MRPL32: variants seen among roughly 807,000 people sequenced by gnomAD.
MRPL32 encodes mitochondrial ribosomal protein L32, also known as large ribosomal subunit protein bL32m.
A neutral mutation model predicts 21.7 loss-of-function variants in MRPL32; 14 were observed. The ratio of observed to expected loss-of-function variants is 0.64; its 90% CI spans 0.43 to 1.01. The LOEUF is 1.01. MRPL32 is among the 50% of genes least tolerant of loss of function. The probability of loss-of-function intolerance (pLI) is 0.00; values close to 1 mark genes in which losing one functional copy is unlikely to be tolerated. For missense variants in MRPL32, 211 were observed against 235.9 expected (o/e 0.89, Z 0.69); for synonymous variants, 83 against 87.7 (o/e 0.95, Z 0.30).
intron 1 of MRPL32, among the ~76,000 whole-genome samples, chr7:42,934,531 A>G (rs1052321342): frequency 6.6e-6 from 1 of 152,222 alleles, no homozygotes; most frequent in African/African-American, 2.4e-5. Flanking sequence ...TGGCAGTTAC[A>G]TCAGTGCCGG....
Position 42,937,303 on chromosome 7 carries a change from T to C in MRPL32, c.313-19T>C, listed in dbSNP as rs1277882013. 9.9e-6 allele frequency: 16 copies of C among 1,612,790 alleles called. No individual in the cohort carries two copies. Among genetic ancestry groups the C allele is most frequent in the Non-Finnish European group, 1.3e-5 (15 of 1,178,974 alleles). The stretch of plus-strand genomic sequence containing the variant: ...ATATTGCCTCATGTTAAAATACGTT[T>C]TTGTTTATTGTTTTAAAGAACAACA... On this transcript the variant is annotated intron_variant, in intron 2 of 2. Transcript: ENST00000223324.
chr7:42,933,800 T>C lies in MRPL32; in HGVS notation c.131-1155T>C, dbSNP rs532241152. Among the ~76,000 whole-genome samples the C allele has an allele frequency of 4.6e-5, 7 of 152,322 alleles. No individual in the cohort carries two copies. In the South Asian group the frequency reaches 1.2e-3, roughly 27 times the overall value. On this transcript the variant is annotated intron_variant, in intron 1 of 2. Coordinates refer to ENST00000223324, the MANE Select transcript of MRPL32 (RefSeq NM_031903.3). ...CTTGACAACAGTCCCATTAGGTGTATACACTTTCCAACTGAAACAGTAGGC... is the reference window on the plus strand; with the variant it reads ...CTTGACAACAGTCCCATTAGGTGTACACACTTTCCAACTGAAACAGTAGGC...
At chr7:42,935,828 G>A (rs1786414020) in intron 2 of MRPL32, 1 of 152,122 alleles carries the variant, frequency 6.6e-6, no homozygotes. Context: ...GATTTTCTTT[G>A]TGTTCTCCTA....
At chr7:42,934,290 G>A (rs1247417467) in intron 1 of MRPL32, among the ~76,000 whole-genome samples, 2 of 150,116 alleles carry the variant, frequency 1.3e-5, no homozygotes, top group East Asian at 2.0e-4. Flanking sequence ...AAAAAGTATG[G>A]CACGTCTAAG....
Position 42,935,134 on chromosome 7 carries a change from A to T in MRPL32, c.310A>T (p.Lys104Ter), listed in dbSNP as rs756457139. 1.2e-6 allele frequency: 2 copies of T among 1,609,338 alleles called. No individual in the cohort carries two copies. Among genetic ancestry groups the T allele is most frequent in the Non-Finnish European group, 1.7e-6 (2 of 1,178,314 alleles). Residue 104 changes from lysine (K) to a stop codon, truncating the protein, a stop_gained and splice_region_variant, in exon 2 of 3, where the codon AAG (lysine) becomes TAG (stop). Coordinates refer to ENST00000223324, the MANE Select transcript of MRPL32 (RefSeq NM_031903.3). LOFTEE classifies it high-confidence loss of function. ...AAATCCGCAGAAGCTTATTAAAGTT[A>T]AGGTAATGCATTGATTTTTGTGGGT... Reference protein sequence around the residue: ...RRNPQKLIKVKNNIDVCPECG... With the variant: ...RRNPQKLIKV
At position 42,936,186 on chromosome 7, in the gene MRPL32, A is replaced by T. The variant is rs187125843; in HGVS notation, c.312+1050A>T. On this transcript the variant is annotated intron_variant, in intron 2 of 2. Transcript: ENST00000223324. ...ACAGTAATTCATAAATTTGCTCAAG[A>T]GGACGTAAGATTTTAGGAATGAGAT... is the stretch of plus-strand genomic sequence containing the variant. 4 of 152,354 alleles carry T rather than the reference A, an allele frequency of 2.6e-5. 1 individual carries two copies. Among genetic ancestry groups the T allele is most frequent in the African/African-American group, 9.6e-5 (4 of 41,580 alleles). 9.4% of individuals were successfully genotyped at this position (152,354 alleles called of 1,614,324 possible). A position where few individuals can be genotyped will look rare whatever the true frequency, so the allele number is the denominator to read the frequency against.
intron 2 of MRPL32, 101 bp downstream of exon 2, chr7:42,935,237 T>C: frequency 1.0e-6 from 1 of 972,958 alleles, no homozygotes; most frequent in South Asian, 1.7e-5. Context: ...TATCAGATTA[T>C]ATGTGTCTAC....
chr7:42,937,156 G>C, intron 2 of MRPL32, 166 bp from the exon 3 acceptor site: 1 of 1,527,990 alleles, frequency 6.5e-7, no homozygotes, highest in African/African-American at 1.4e-5. Context: ...AGTGTTGCTT[G>C]TCTTCAGTCT....
intron 1 of MRPL32, 46 bp from the exon 2 acceptor site, chr7:42,934,909 T>C: frequency 2.1e-6 from 3 of 1,434,824 alleles, no homozygotes; most frequent in Non-Finnish European, 2.8e-6. Flanking sequence ...AATAGTAATT[T>C]AGAAGCTAGA....
intron 1 of MRPL32, among the ~76,000 whole-genome samples, chr7:42,934,745 A>C (rs558369315): frequency 1.3e-5 from 2 of 152,332 alleles, no homozygotes; most frequent in South Asian, 2.1e-4. Flanking sequence ...GGATCCGCTA[A>C]GAAAAAATTC....
chr7:42,932,582 C>G (rs1162282277), intron 1 of MRPL32, 66 bp downstream of exon 1: 1 of 1,478,226 alleles, frequency 6.8e-7, no homozygotes, highest in African/African-American at 1.4e-5. Context: ...GTAGCAGACG[C>G]AGCTTACACA....
In MRPL32 at chr7:42,934,961, C is replaced by T. The variant is rs1201126428; in HGVS notation, c.137C>T (p.Ala46Val). 2 of 1,586,980 alleles carry T rather than the reference C, an allele frequency of 1.3e-6. No individual in the cohort carries two copies. Among genetic ancestry groups the T allele is most frequent in the East Asian group, 2.2e-5 (1 of 44,562 alleles). ...CTTATGTTTTATTTCCTAGGACCAG[C>T]ATTAGCAGTACAGGGCCCAGCCATG... is the stretch of plus-strand genomic sequence containing the variant. ...PGFPSPPWGP[A>V]LAVQGPAMFT... Residue 46 changes from alanine (A) to valine (V), a missense_variant, in exon 2 of 3, where the codon GCA (alanine) becomes GTA (valine). Coordinates refer to ENST00000223324, the MANE Select transcript of MRPL32 (RefSeq NM_031903.3).
chr7:42,935,648 A>G (rs1350631514), intron 2 of MRPL32: 1 of 152,372 alleles, frequency 6.6e-6, no homozygotes, highest in African/African-American at 2.4e-5. Flanking sequence ...GATGTATCTC[A>G]GTGCCTTATG....
At chr7:42,934,200 G>A (rs1030132326) in intron 1 of MRPL32, among the ~76,000 whole-genome samples, 3 of 151,722 alleles carry the variant, frequency 2.0e-5, no homozygotes, top group African/African-American at 4.8e-5. Context: ...CCAGGGAGGC[G>A]GAGGTTGCAG....
intron 2 of MRPL32, 127 bp from the exon 3 acceptor site, chr7:42,937,195 G>T: frequency 6.3e-7 from 1 of 1,579,082 alleles, no homozygotes; most frequent in Non-Finnish European, 8.6e-7. Context: ...GAACTAGATG[G>T]TGTATGATGA....
chr7:42,935,816 A>T (rs953301847), intron 2 of MRPL32: 4 of 152,196 alleles, frequency 2.6e-5, no homozygotes, highest in African/African-American at 4.8e-5. Context: ...TGTTCTTTTA[A>T]AGATTTTCTT....
intron 1 of MRPL32, among the ~76,000 whole-genome samples, chr7:42,934,736 G>A (rs970837303): frequency 5.3e-5 from 8 of 152,136 alleles, no homozygotes; most frequent in Non-Finnish European, 8.8e-5. Context: ...TTTTCAGCAG[G>A]ATCCGCTAAG....
chr7:42,934,599 C>T (rs1208712730), intron 1 of MRPL32, among the ~76,000 whole-genome samples: 1 of 152,214 alleles, frequency 6.6e-6, no homozygotes, highest in Non-Finnish European at 1.5e-5. Context: ...CAGGTACTTA[C>T]TACCCGCCAA....
chr7:42,933,220 A>G (rs1029817554), intron 1 of MRPL32, among the ~76,000 whole-genome samples: 1 of 152,048 alleles, frequency 6.6e-6, no homozygotes, highest in African/African-American at 2.4e-5. Flanking sequence ...TAAATAGGAA[A>G]TTTTCCAGGC....
Sources: allele counts gnomAD v4.1 joint callset (sites outside exome capture counted in the v4.1 genomes callset), GRCh38; gene constraint gnomAD v4.1.1; transcripts MANE v1.5; gene names NCBI Gene and HGNC (gene_info 2026-07-23, HGNC 2026-07-21).